The following ATXN1 variants were observed in gnomAD, a reference collection of about 807,000 sequenced individuals.
ATXN1 encodes the protein ataxin 1, also known as ataxin-1.
A neutral mutation model predicts 56.4 loss-of-function variants in ATXN1; 8 were observed. That is an observed-to-expected ratio of 0.14 (90% CI 0.08 to 0.26). The LOEUF (loss-of-function observed/expected upper bound fraction) is 0.26, where lower values mean the gene tolerates loss of function less well. ATXN1 is among the 10% of genes least tolerant of loss of function. The pLI, the probability that ATXN1 is intolerant of heterozygous loss-of-function variation, is 1.00. For missense variants in ATXN1, 987 were observed against 1,106.5 expected, an observed-to-expected ratio of 0.89 and a Z score of 1.53; for synonymous variants, 514 against 494.6, an observed-to-expected ratio of 1.04 and a Z score of -0.52.
intron 6 of ATXN1, among the ~76,000 whole-genome samples, chr6:16,378,762 A>G (rs1762195240): frequency 6.6e-6 from 1 of 151,642 alleles, no homozygotes; most frequent in South Asian, 2.1e-4. Context: ...GTCTCACTAT[A>G]TTTCCCAGGC....
At chr6:16,586,102 G>A (rs1762619361) in intron 3 of ATXN1, among the ~76,000 whole-genome samples, 195 bp from the exon 4 acceptor site, 1 of 151,518 alleles carries the variant, frequency 6.6e-6, no homozygotes, top group Non-Finnish European at 1.5e-5. Context: ...AACTCAGCAG[G>A]CAGAGACACA....
rs948376577 is a variant in ATXN1, at chr6:16,447,675, T to TA, written c.-161+38296dup. On this transcript the variant is annotated intron_variant, in intron 6 of 7. Transcript: ENST00000436367. ...CCTGGCCTAATAGCAAAGGCGCTGA[T>TA]AAAAAAAATAGGAGAGCAGAAAGGG... is the stretch of plus-strand genomic sequence containing the variant. 3.4e-4 allele frequency among the ~76,000 whole-genome samples: 51 copies of TA among 151,912 alleles called. No individual in the cohort carries two copies. The South Asian group carries it at 5.4e-3, about 16-fold the overall frequency.
chr6:16,718,041 C>G (rs1439344079), intron 2 of ATXN1, among the ~76,000 whole-genome samples: 1 of 152,224 alleles, frequency 6.6e-6, no homozygotes, highest in Admixed American at 6.5e-5. Flanking sequence ...TAAATAAGAG[C>G]AACAGCCAAA....
chr6:16,407,356 T>C lies in ATXN1; in HGVS notation c.-161+78616A>G, dbSNP rs144502277. On this transcript the variant is annotated intron_variant, in intron 6 of 7. Coordinates refer to ENST00000436367, the MANE Select transcript of ATXN1 (RefSeq NM_001128164.2). ...GGAATGAATGGGAAGGATACTGCTG[T>C]GTCCACCAGTGCCTAACTGGACATT... Among the ~76,000 whole-genome samples, 106 of 152,380 alleles carry C rather than the reference T, an allele frequency of 7.0e-4. 1 individual carries two copies. The East Asian group carries it at 0.016, about 24-fold the overall frequency.
At chr6:16,370,042 T>C (rs1762006763) in intron 6 of ATXN1, among the ~76,000 whole-genome samples, 2 of 152,172 alleles carry the variant, frequency 1.3e-5, no homozygotes, top group African/African-American at 4.8e-5. Context: ...ATAATGCTTA[T>C]GGTGGTAATA....
intron 6 of ATXN1, among the ~76,000 whole-genome samples, chr6:16,376,046 C>T (rs966445560): frequency 6.6e-6 from 1 of 152,230 alleles, no homozygotes; most frequent in African/African-American, 2.4e-5. Context: ...ACACTAATAG[C>T]ACACTTATTA....
intron 6 of ATXN1, among the ~76,000 whole-genome samples, chr6:16,375,245 A>G (rs1561872106): frequency 6.6e-6 from 1 of 152,258 alleles, no homozygotes; most frequent in Non-Finnish European, 1.5e-5. Flanking sequence ...TGAAAAGGAT[A>G]TATTATTGCC....
chr6:16,647,563 A>C (rs1442008778), intron 3 of ATXN1, among the ~76,000 whole-genome samples: 1 of 152,240 alleles, frequency 6.6e-6, no homozygotes, highest in African/African-American at 2.4e-5. Flanking sequence ...TGGGGATTGA[A>C]TATACAGCAC....
chr6:16,491,277 A>ATTAT (rs1561723418), intron 5 of ATXN1, among the ~76,000 whole-genome samples: 6 of 132,222 alleles, frequency 4.5e-5, no homozygotes, highest in African/African-American at 8.8e-5. Flanking sequence ...TATTATTATT[A>ATTAT]TTTTTTTTTT....
intron 6 of ATXN1, among the ~76,000 whole-genome samples, chr6:16,337,622 T>A (rs1761153316): frequency 6.6e-6 from 1 of 152,260 alleles, no homozygotes; most frequent in African/African-American, 2.4e-5. Context: ...TGTCAAGACC[T>A]TTCCTGATTC....
chr6:16,326,309 T>A lies in ATXN1; in HGVS notation c.1917+85A>T. ...GTACCCGAGAACCCTTAATCCTGCC[T>A]CATAGAAGCAATTCGTCTTGCCAGG... On this transcript the variant is annotated intron_variant, in intron 7 of 7. Transcript: ENST00000436367. The surrounding 1 kb of genome is among the most constrained non-coding windows in gnomAD (Gnocchi z 6.6). The A allele has an allele frequency of 7.0e-6, 11 of 1,564,536 alleles. No homozygotes were observed. The highest frequency in any genetic ancestry group is 9.5e-6 in the Non-Finnish European group (11 of 1,157,530).
intron 6 of ATXN1, among the ~76,000 whole-genome samples, chr6:16,347,843 C>T (rs538569915): frequency 4.6e-5 from 7 of 152,290 alleles, no homozygotes; most frequent in African/African-American, 1.2e-4. Context: ...CAGTGGTAAC[C>T]TTCTCCGATC....
intron 2 of ATXN1, among the ~76,000 whole-genome samples, chr6:16,660,900 G>A (rs545727455): frequency 2.2e-4 from 32 of 144,370 alleles, no homozygotes; most frequent in African/African-American, 8.0e-4. Context: ...GTGCAGTGGA[G>A]TGATCTCAGC....
At chr6:16,550,467 C>T (rs1761900595) in intron 4 of ATXN1, among the ~76,000 whole-genome samples, 1 of 152,214 alleles carries the variant, frequency 6.6e-6, no homozygotes, top group Non-Finnish European at 1.5e-5. Context: ...TGATCTATTT[C>T]TACAGTAGGC....
At chr6:16,709,603 C>T (rs190167570) in intron 2 of ATXN1, among the ~76,000 whole-genome samples, 18 of 152,074 alleles carry the variant, frequency 1.2e-4, no homozygotes, top group Middle Eastern at 3.4e-3. Context: ...GAACTCCAAG[C>T]CCAAAGATTT....
intron 6 of ATXN1, among the ~76,000 whole-genome samples, chr6:16,396,337 T>C (rs557438685): frequency 1.6e-4 from 25 of 152,178 alleles, no homozygotes; most frequent in African/African-American, 5.8e-4. Flanking sequence ...CCCAGCATTT[T>C]GGGAGGCTGA....
Position 16,306,471 on chromosome 6 carries a change from G to A in ATXN1, c.2306C>T (p.Thr769Met), listed in dbSNP as rs1760252831. 4 of 1,614,060 alleles carry A rather than the reference G, an allele frequency of 2.5e-6. No individual in the cohort carries two copies. The highest frequency in any genetic ancestry group is 3.4e-6 in the Non-Finnish European group (4 of 1,180,044). ...TGGCGCCGACCACCTCCTCTTCCTC[G>A]TTGCCGCGGGCTTGCTGGGTTCTAT... is the stretch of plus-strand genomic sequence containing the variant. ...TKIEPSKPAATRKRRWSAPES... is the reference protein window; with the variant it reads ...TKIEPSKPAAMRKRRWSAPES... The change falls in exon 8 of 8, where the codon ACG becomes ATG. Residue 769 changes from threonine (T) to methionine (M), a missense_variant. Around this residue, in one of 3 missense-constraint regions of ATXN1, gnomAD observed 196 missense variants for 196.7 expected, o/e 1.00. Coordinates refer to ENST00000436367, the MANE Select transcript of ATXN1 (RefSeq NM_001128164.2). The surrounding 1 kb of genome is among the most constrained non-coding windows in gnomAD (Gnocchi z 5.2).
chr6:16,483,269 G>T (rs1760475425), intron 6 of ATXN1, among the ~76,000 whole-genome samples: 1 of 152,192 alleles, frequency 6.6e-6, no homozygotes, highest in South Asian at 2.1e-4. Context: ...TGCAAGGACT[G>T]CTGAGCATGG....
Position 16,308,321 on chromosome 6 carries a change from G to GTCTC in ATXN1, c.1918-1463_1918-1462insGAGA, listed in dbSNP as rs199934662. 7.1e-5 allele frequency among the ~76,000 whole-genome samples: 6 copies of GTCTC among 84,392 alleles called. No individual in the cohort carries two copies. The East Asian group carries it at 5.7e-3, about 80-fold the overall frequency. The allele number at this position is 84,392 out of a possible 152,430, so 55.4% of individuals were successfully genotyped here. ...AGCCTGGGCGACAGAGTGAAACTCC[G>GTCTC]TCACACACACACACACACACACACA... On this transcript the variant is annotated intron_variant, in intron 7 of 7. Coordinates refer to ENST00000436367, the MANE Select transcript of ATXN1 (RefSeq NM_001128164.2).
Sources: gnomAD v4.1 joint callset for allele counts (sites outside exome capture counted in the v4.1 genomes callset) on GRCh38, gnomAD v4.1.1 for gene constraint, gnomAD v4.1.1 regional missense constraint, Gnocchi (gnomAD v3.1) non-coding constraint, MANE v1.5 for transcripts, NCBI Gene and HGNC (gene_info 2026-07-23, HGNC 2026-07-21) for gene names.